NAA25: variants seen among roughly 807,000 people sequenced by gnomAD.
NAA25 encodes the protein N-alpha-acetyltransferase 25, NatB auxiliary subunit.
In NAA25, 30 loss-of-function variants were observed where a neutral mutation model predicts 132.5. The observed-to-expected ratio is 0.23, with a 90% confidence interval of 0.17 to 0.31. The LOEUF is 0.31. NAA25 is among the 10% of genes least tolerant of loss of function. The pLI is 1.00. For missense variants in NAA25, 771 were observed against 1,150.4 expected, an observed-to-expected ratio of 0.67 and a Z score of 4.77; for synonymous variants, 359 against 401.9, an observed-to-expected ratio of 0.89 and a Z score of 1.28.
At chr12:112,091,042 C>T (rs2079120696) in intron 2 of NAA25, among the ~76,000 whole-genome samples, 178 bp from the exon 3 acceptor site, 1 of 151,918 alleles carries the variant, frequency 6.6e-6, no homozygotes, top group Non-Finnish European at 1.5e-5. Flanking sequence ...CCAAGACAGG[C>T]ACATCACTTG....
intron 22 of NAA25, among the ~76,000 whole-genome samples, 187 bp downstream of exon 22, chr12:112,039,042 C>A (rs150533436): frequency 2.0e-5 from 3 of 152,026 alleles, no homozygotes; most frequent in African/African-American, 4.8e-5. Flanking sequence ...AAAAAAAACT[C>A]AAAAAATCTC....
rs2078120007 is a variant in NAA25, at chr12:112,029,338, G to A, written c.*193C>T. ...GTGGTCAAACCCAGATGAGGGTCCC[G>A]CTTCTGGTTTATATACAATAATTTA... On this transcript the variant is annotated 3_prime_UTR_variant, in exon 24 of 24. Coordinates refer to ENST00000261745, the MANE Select transcript of NAA25 (RefSeq NM_024953.4). The A allele has an allele frequency of 3.7e-6, 3 of 818,014 alleles. No individual in the cohort carries two copies. Among genetic ancestry groups the A allele is most frequent in the South Asian group, 2.3e-5 (1 of 43,676 alleles). The allele number at this position is 818,014 out of a possible 1,614,324, so 50.7% of individuals were successfully genotyped here.
chr12:112,077,334 G>A (rs959759604), intron 7 of NAA25, among the ~76,000 whole-genome samples: 1 of 151,832 alleles, frequency 6.6e-6, no homozygotes, highest in Non-Finnish European at 1.5e-5. Flanking sequence ...TTAGCTGGGC[G>A]TGGTGGTGTG....
chr12:112,072,599 A>T (rs2078829230), intron 9 of NAA25, among the ~76,000 whole-genome samples: 2 of 144,830 alleles, frequency 1.4e-5, no homozygotes, highest in South Asian at 4.4e-4. Context: ...ACAGAGAGAG[A>T]TTCCATCTCA....
chr12:112,073,059 C>T (rs1391163468), intron 9 of NAA25, among the ~76,000 whole-genome samples: 1 of 151,884 alleles, frequency 6.6e-6, no homozygotes, highest in Non-Finnish European at 1.5e-5. Context: ...CATGGTAAAA[C>T]CCCATCTCTA....
At chr12:112,095,424 G>A (rs529462952) in intron 1 of NAA25, among the ~76,000 whole-genome samples, 1 of 150,416 alleles carries the variant, frequency 6.6e-6, no homozygotes, top group South Asian at 2.1e-4. Flanking sequence ...GTGACAGAGT[G>A]AGACTCCGTC....
At chr12:112,038,095 C>T (rs770579421) in intron 22 of NAA25, among the ~76,000 whole-genome samples, 1 of 152,124 alleles carries the variant, frequency 6.6e-6, no homozygotes, top group African/African-American at 2.4e-5. Context: ...CTCACTGCAA[C>T]CTCTGCCTCT....
At chr12:112,030,144 TA>T (rs769788161) in intron 23 of NAA25, among the ~76,000 whole-genome samples, 7 of 131,042 alleles carry the variant, frequency 5.3e-5, no homozygotes, top group Non-Finnish European at 1.1e-4. Context: ...ACTCTAGAGG[TA>T]GAGGTAGTAG....
intron 11 of NAA25, among the ~76,000 whole-genome samples, chr12:112,061,859 C>G (rs756873535): frequency 6.6e-6 from 1 of 152,028 alleles, no homozygotes; most frequent in Non-Finnish European, 1.5e-5. Context: ...GTCAGTGACC[C>G]TACATTTTTC....
chr12:112,037,271 AATAC>A (rs1347993103), intron 22 of NAA25, among the ~76,000 whole-genome samples: 9 of 75,530 alleles, frequency 1.2e-4, no homozygotes, highest in Non-Finnish European at 2.3e-4. Flanking sequence ...TATTTTAAAA[AATAC>A]ATATATATAT....
At chr12:112,105,319 G>A (rs759043685) in intron 1 of NAA25, among the ~76,000 whole-genome samples, 5 of 152,094 alleles carry the variant, frequency 3.3e-5, no homozygotes, top group East Asian at 3.9e-4. Flanking sequence ...AAAAAATAAC[G>A]AAAGAAGGCA....
chr12:112,040,849 A>G (rs2078291463), intron 20 of NAA25, among the ~76,000 whole-genome samples: 1 of 152,226 alleles, frequency 6.6e-6, no homozygotes, highest in African/African-American at 2.4e-5. Flanking sequence ...GCCTTTTCAG[A>G]TAGGCCATCA....
chr12:112,046,075 T>C (rs777431307), intron 17 of NAA25, among the ~76,000 whole-genome samples: 14 of 152,322 alleles, frequency 9.2e-5, no homozygotes, highest in Non-Finnish European at 1.2e-4. Flanking sequence ...TCTGGGAACT[T>C]TGCACTCCAA....
chr12:112,099,232 T>C (rs2079257729), intron 1 of NAA25, among the ~76,000 whole-genome samples: 1 of 151,834 alleles, frequency 6.6e-6, no homozygotes, highest in South Asian at 2.1e-4. Flanking sequence ...TCGTGATCCG[T>C]CTGCCTCGGT....
chr12:112,042,080 C>T lies in NAA25; in HGVS notation c.2399G>A (p.Arg800Gln), dbSNP rs747564104. 64 of 1,485,618 alleles carry T rather than the reference C, an allele frequency of 4.3e-5. No individual in the cohort carries two copies. The highest frequency in any genetic ancestry group is 1.7e-4 in the Middle Eastern group (1 of 5,776). The allele number at this position is 1,485,618 out of a possible 1,614,324, so 92.0% of individuals were successfully genotyped here. Reference protein sequence around the residue: ...GLEDTMEIQERIENSFKSLLD... With the variant: ...GLEDTMEIQEQIENSFKSLLD... ...TAAAGACTTAAAACTATTTTCTATT[C>T]GTTCCTGAATCTCCATTGTATCCTC... Residue 800 changes from arginine to glutamine, a missense_variant, in exon 20 of 24, where the codon CGA (arginine) becomes CAA (glutamine). This residue lies in a region of NAA25 where 324 missense variants were observed against 400.0 expected (regional missense o/e 0.81). Coordinates refer to ENST00000261745, the MANE Select transcript of NAA25 (RefSeq NM_024953.4).
intron 2 of NAA25, 28 bp from the exon 3 acceptor site, chr12:112,090,892 T>C: frequency 2.5e-6 from 4 of 1,581,198 alleles, no homozygotes; most frequent in Non-Finnish European, 3.4e-6. Context: ...AAAATCAGTT[T>C]TTAAAAAGAC....
intron 13 of NAA25, among the ~76,000 whole-genome samples, chr12:112,056,282 C>T (rs1232520784): frequency 4.0e-5 from 6 of 151,706 alleles, no homozygotes; most frequent in East Asian, 3.9e-4. Context: ...TGCAGTAAGC[C>T]GAGATTGCAC....
At position 112,078,742 on chromosome 12, in the gene NAA25, C is replaced by A; in HGVS notation, c.478-1G>T. 1 of 1,607,906 alleles carries A rather than the reference C, an allele frequency of 6.2e-7. No homozygotes were observed. The highest frequency in any genetic ancestry group is 8.5e-7 in the Non-Finnish European group (1 of 1,175,454). On this transcript the variant is annotated splice_acceptor_variant, in intron 5 of 23. Coordinates refer to ENST00000261745, the MANE Select transcript of NAA25 (RefSeq NM_024953.4). LOFTEE classifies it high-confidence loss of function. Reference sequence around the variant, plus strand: ...GGTTTTCATCCTGTGCCGATATAGACTGAAAGAAGAAAAATAATGTTTCAT... The same window carrying A: ...GGTTTTCATCCTGTGCCGATATAGAATGAAAGAAGAAAAATAATGTTTCAT...
chr12:112,087,907 GAAGT>G, intron 3 of NAA25, 106 bp from the exon 4 acceptor site: 1 of 717,132 alleles, frequency 1.4e-6, no homozygotes, highest in Non-Finnish European at 2.4e-6. Flanking sequence ...CATTATAGAA[GAAGT>G]ATCTGCTTTG....
Sources: allele counts gnomAD v4.1 joint callset (sites outside exome capture counted in the v4.1 genomes callset), GRCh38; gene constraint gnomAD v4.1.1; regional missense constraint gnomAD v4.1.1; transcripts MANE v1.5; gene names NCBI Gene and HGNC (gene_info 2026-07-23, HGNC 2026-07-21).